NDFIP1: variants seen among roughly 807,000 people sequenced by gnomAD.
The protein encoded by NDFIP1 is NEDD4 family-interacting protein 1.
A neutral mutation model predicts 28.8 loss-of-function variants in NDFIP1; 7 were observed. That is an observed-to-expected ratio of 0.24 (90% CI 0.14 to 0.46). The LOEUF is 0.46. NDFIP1 is among the 20% of genes least tolerant of loss of function. NDFIP1 has a pLI of 0.99. For synonymous variants in NDFIP1, 92 were observed against 101.0 expected (o/e 0.91, Z 0.53); for missense variants, 194 against 269.1 (o/e 0.72, Z 1.95).
chr5:142,110,373 C>G (rs1554090533), intron 1 of NDFIP1, among the ~76,000 whole-genome samples: 1 of 152,170 alleles, frequency 6.6e-6, no homozygotes, highest in Non-Finnish European at 1.5e-5. Context: ...ACTGTCACCA[C>G]AGTGTTTGCA....
chr5:142,131,836 C>T lies in NDFIP1; in HGVS notation c.92C>T (p.Pro31Leu). 1 of 1,593,840 alleles carries T rather than the reference C, an allele frequency of 6.3e-7. No individual in the cohort carries two copies. Among genetic ancestry groups the T allele is most frequent in the Non-Finnish European group, 8.5e-7 (1 of 1,173,550 alleles). ...QLQNEEESGEPEQAAGDAPPP... is the reference protein window; with the variant it reads ...QLQNEEESGELEQAAGDAPPP... ...CAGAATGAAGAAGAGTCTGGAGAAC[C>T]TGAACAGGCTGCAGGTGATGCTCCT... The change falls in exon 2 of 8, where the codon CCT (proline) becomes CTT (leucine). Residue 31 changes from proline (P) to leucine (L), a missense_variant. Transcript: ENST00000253814.
chr5:142,129,660 C>A (rs1757205766), intron 1 of NDFIP1, among the ~76,000 whole-genome samples: 1 of 152,078 alleles, frequency 6.6e-6, no homozygotes, highest in Non-Finnish European at 1.5e-5. Flanking sequence ...GGCACAATGG[C>A]TCACGCCTGT....
At chr5:142,113,045 A>G (rs1423362024) in intron 1 of NDFIP1, among the ~76,000 whole-genome samples, 2 of 152,120 alleles carry the variant, frequency 1.3e-5, no homozygotes, top group East Asian at 3.8e-4. Context: ...CATTTCAAGT[A>G]TTTTGGGATA....
chr5:142,138,988 C>T (rs1441788769), intron 5 of NDFIP1, among the ~76,000 whole-genome samples: 2 of 150,278 alleles, frequency 1.3e-5, no homozygotes, highest in Non-Finnish European at 3.0e-5. Context: ...GAGGCCGAGG[C>T]GGACAGATCA....
intron 6 of NDFIP1, among the ~76,000 whole-genome samples, chr5:142,142,611 T>C (rs1483934987): frequency 1.3e-5 from 2 of 152,126 alleles, no homozygotes; most frequent in Admixed American, 1.3e-4. Context: ...ATTCTTGCTA[T>C]GTACCATTTG....
intron 1 of NDFIP1, among the ~76,000 whole-genome samples, chr5:142,110,287 G>GT (rs1757000574): frequency 1.3e-5 from 2 of 152,148 alleles, no homozygotes; most frequent in East Asian, 3.9e-4. Flanking sequence ...TCTAGCACAT[G>GT]CTTTTTTTCT....
chr5:142,132,391 G>C (rs750938973), intron 3 of NDFIP1, 49 bp downstream of exon 3: 27 of 1,577,462 alleles, frequency 1.7e-5, no homozygotes, highest in Non-Finnish European at 2.3e-5. Flanking sequence ...TGGGAATTAA[G>C]TTATTTTCAT....
intron 3 of NDFIP1, among the ~76,000 whole-genome samples, chr5:142,132,999 G>T (rs1439585840): frequency 1.3e-5 from 2 of 152,236 alleles, no homozygotes; most frequent in Non-Finnish European, 2.9e-5. Flanking sequence ...ATGGAAGCAG[G>T]ATAAGTCCCC....
At chr5:142,114,580 C>T (rs1757047041) in intron 1 of NDFIP1, among the ~76,000 whole-genome samples, 1 of 152,170 alleles carries the variant, frequency 6.6e-6, no homozygotes, top group African/African-American at 2.4e-5. Flanking sequence ...CACTTATACT[C>T]ACCACATTAT....
intron 3 of NDFIP1, chr5:142,134,110 T>G (rs1377460336): frequency 6.6e-6 from 1 of 152,216 alleles, no homozygotes; most frequent in African/African-American, 2.4e-5. Flanking sequence ...ATAGAATCTT[T>G]GGAATGTTAG....
chr5:142,136,481 A>T (rs987628022), intron 4 of NDFIP1, among the ~76,000 whole-genome samples: 1 of 152,128 alleles, frequency 6.6e-6, no homozygotes, highest in Non-Finnish European at 1.5e-5. Context: ...CAGGCTGGGC[A>T]TGGTGGCTCA....
At position 142,152,633 on chromosome 5, in the gene NDFIP1, A is replaced by G. The variant is rs1757459103; in HGVS notation, c.*905A>G. On this transcript the variant is annotated 3_prime_UTR_variant, in exon 8 of 8. Coordinates refer to ENST00000253814, the MANE Select transcript of NDFIP1 (RefSeq NM_030571.4). The stretch of plus-strand genomic sequence containing the variant: ...GAGATGATCCCTAACATACTGTACT[A>G]CTTGCTTTTACAATGTGTTAGCAGA... 1 of 153,838 alleles carries G rather than the reference A, an allele frequency of 6.5e-6. No homozygotes were observed. The highest frequency in any genetic ancestry group is 2.1e-4 in the South Asian group (1 of 4,866). 9.5% of individuals were successfully genotyped at this position (153,838 alleles called of 1,614,324 possible).
rs150623357 is a variant in NDFIP1 at position 142,125,554 on chromosome 5, C to G, written c.64-6254C>G. Among the ~76,000 whole-genome samples, 368 of 152,076 alleles carry G rather than the reference C, an allele frequency of 2.4e-3. 5 individuals carry two copies. The highest frequency in any genetic ancestry group is 6.0e-4 in the Non-Finnish European group (41 of 67,954). ...TTTAAATTTTTAGTAGAGACAGGAT[C>G]TTGCTGTGTTGCCCAGGCTGGTCTC... On this transcript the variant is annotated intron_variant, in intron 1 of 7. Coordinates refer to ENST00000253814, the MANE Select transcript of NDFIP1 (RefSeq NM_030571.4).
intron 6 of NDFIP1, among the ~76,000 whole-genome samples, chr5:142,141,236 C>T (rs1396853861): frequency 6.7e-5 from 8 of 120,092 alleles, no homozygotes; most frequent in Non-Finnish European, 9.6e-5. Context: ...AGTGCAGTGG[C>T]GTGATCTCGG....
Position 142,132,293 on chromosome 5 carries a change from A to G in NDFIP1, c.233A>G (p.Glu78Gly). The G allele has an allele frequency of 1.2e-6, 2 of 1,614,200 alleles. No individual in the cohort carries two copies. Among genetic ancestry groups the G allele is most frequent in the Non-Finnish European group, 1.7e-6 (2 of 1,180,020 alleles). Residue 78 changes from glutamate (E) to glycine (G), a missense_variant, in exon 3 of 8, where the codon GAA becomes GGA. Glu to Gly is a moderately conservative substitution (Grantham distance 98, BLOSUM62 -2). Coordinates refer to ENST00000253814, the MANE Select transcript of NDFIP1 (RefSeq NM_030571.4). ...NVATTLPSYD[E>G]AERTKAEATI... ...GCTACAACACTGCCCAGTTATGATG[A>G]AGCGGAGAGGACCAAGGCTGAAGCT...
chr5:142,145,837 G>A (rs1488879961), intron 7 of NDFIP1, among the ~76,000 whole-genome samples: 1 of 152,182 alleles, frequency 6.6e-6, no homozygotes, highest in African/African-American at 2.4e-5. Flanking sequence ...CTAAGCCCAC[G>A]TGGAGCACGA....
intron 1 of NDFIP1, among the ~76,000 whole-genome samples, chr5:142,120,020 A>G (rs963949022): frequency 1.3e-5 from 2 of 152,196 alleles, no homozygotes; most frequent in African/African-American, 4.8e-5. Flanking sequence ...CAGTGGTGCC[A>G]TCTCAGCTCA....
intron 1 of NDFIP1, among the ~76,000 whole-genome samples, chr5:142,121,259 A>G (rs576191652): frequency 6.6e-6 from 1 of 152,352 alleles, no homozygotes; most frequent in East Asian, 1.9e-4. Context: ...TAAGTGCTGT[A>G]GGTTGAATAC....
intron 1 of NDFIP1, among the ~76,000 whole-genome samples, chr5:142,123,360 CT>C (rs1473179351): frequency 8.5e-5 from 13 of 152,118 alleles, no homozygotes; most frequent in African/African-American, 3.1e-4. Flanking sequence ...TCTTGAACTC[CT>C]GGGCTCAAGC....
Sources: allele counts gnomAD v4.1 joint callset (sites outside exome capture counted in the v4.1 genomes callset), GRCh38; gene constraint gnomAD v4.1.1; transcripts MANE v1.5; gene names NCBI Gene and HGNC (gene_info 2026-07-23, HGNC 2026-07-21).